Variants in RBFOX1 observed in about 807,000 individuals in gnomAD.
RBFOX1 encodes the protein RNA binding protein fox-1 homolog 1.
A neutral mutation model predicts 57.7 loss-of-function variants in RBFOX1; 8 were observed. That is an observed-to-expected ratio of 0.14 (90% CI 0.08 to 0.25). The LOEUF (loss-of-function observed/expected upper bound fraction) is 0.25. Ranked by LOEUF, RBFOX1 falls within the 10% of genes least tolerant of loss-of-function variation. The probability of loss-of-function intolerance (pLI) is 1.00; values close to 1 mark genes in which losing one functional copy is unlikely to be tolerated. For missense variants in RBFOX1, 611 were observed against 548.5 expected (o/e 1.11, Z -1.14); for synonymous variants, 326 against 222.4 (o/e 1.47, Z -4.15).
At chr16:7,440,052 G>C (rs544429349) in intron 4 of RBFOX1, among the ~76,000 whole-genome samples, 1 of 150,706 alleles carries the variant, frequency 6.6e-6, no homozygotes, top group African/African-American at 2.4e-5. Context: ...CCCGGGTTCA[G>C]GTGATCCTCC....
rs556348645 is a variant in RBFOX1, at chr16:6,381,749, C to A, written c.-64+64692C>A. On this transcript the variant is annotated intron_variant, in intron 2 of 15. Coordinates refer to ENST00000550418, the MANE Select transcript of RBFOX1 (RefSeq NM_018723.4). ...TGGGCCGATGTATGCCTGGGGCTAC[C>A]GCATCTGCTGCTGCTGGAACTGGGT... Among the ~76,000 whole-genome samples, 14 of 152,312 alleles carry A rather than the reference C, an allele frequency of 9.2e-5. No homozygotes were observed. The South Asian group carries it at 1.7e-3, about 18-fold the overall frequency.
chr16:6,112,208 C>G (rs2096454490), intron 1 of RBFOX1, among the ~76,000 whole-genome samples: 1 of 152,142 alleles, frequency 6.6e-6, no homozygotes, highest in Admixed American at 6.5e-5. Context: ...TTAAGAACTT[C>G]TGCTATAAGG....
chr16:5,938,274 G>C (rs1164634152), intron 4 of RBFOX1, among the ~76,000 whole-genome samples: 2 of 152,110 alleles, frequency 1.3e-5, no homozygotes, highest in Non-Finnish European at 2.9e-5. Context: ...ACTACTAACT[G>C]TCCCATGACC....
chr16:6,846,276 C>T (rs1454668735), intron 3 of RBFOX1, among the ~76,000 whole-genome samples: 1 of 152,132 alleles, frequency 6.6e-6, no homozygotes, highest in Non-Finnish European at 1.5e-5. Flanking sequence ...GCCCGAAGAT[C>T]CCCAATTCCG....
At chr16:6,675,432 C>T (rs1230630347) in intron 3 of RBFOX1, among the ~76,000 whole-genome samples, 1 of 151,998 alleles carries the variant, frequency 6.6e-6, no homozygotes, top group Non-Finnish European at 1.5e-5. Context: ...GCAAACTGGC[C>T]CAGAAGATTA....
intron 4 of RBFOX1, among the ~76,000 whole-genome samples, chr16:7,098,408 G>A (rs2151294013): frequency 6.6e-6 from 1 of 152,252 alleles, no homozygotes; most frequent in East Asian, 1.9e-4. Flanking sequence ...GACCTCAAGT[G>A]ATCCACCTGC....
intron 13 of RBFOX1, among the ~76,000 whole-genome samples, chr16:7,666,979 C>T (rs543876907): frequency 6.6e-6 from 1 of 152,272 alleles, no homozygotes; most frequent in East Asian, 1.9e-4. Context: ...TAAAACTGCC[C>T]TTTCTCTGAC....
intron 2 of RBFOX1, among the ~76,000 whole-genome samples, chr16:6,342,297 C>T (rs1437001876): frequency 1.8e-4 from 27 of 152,024 alleles, no homozygotes; most frequent in Admixed American, 1.8e-3. Context: ...CGAAGATGGA[C>T]ATGTGGAAAT....
intron 2 of RBFOX1, among the ~76,000 whole-genome samples, chr16:6,631,286 T>C (rs2098381790): frequency 6.6e-6 from 1 of 152,034 alleles, no homozygotes; most frequent in African/African-American, 2.4e-5. Flanking sequence ...GGGGTGAGTG[T>C]GTGTGTGTGT....
At chr16:6,808,897 C>T (rs1188206721) in intron 3 of RBFOX1, among the ~76,000 whole-genome samples, 1 of 152,108 alleles carries the variant, frequency 6.6e-6, no homozygotes, top group Non-Finnish European at 1.5e-5. Flanking sequence ...TCGGATAATC[C>T]CAAAGCAAGA....
intron 4 of RBFOX1, among the ~76,000 whole-genome samples, chr16:7,493,613 G>C (rs1408383040): frequency 6.6e-6 from 1 of 152,184 alleles, no homozygotes; most frequent in African/African-American, 2.4e-5. Flanking sequence ...TGTAATAACA[G>C]AATCAGAAAC....
chr16:5,314,693 G>T (rs924494861), intron 1 of RBFOX1, among the ~76,000 whole-genome samples: 1 of 151,958 alleles, frequency 6.6e-6, no homozygotes, highest in Non-Finnish European at 1.5e-5. Context: ...TAGAGACACG[G>T]TCTTGTTATG....
At chr16:6,400,855 A>C (rs986510978) in intron 2 of RBFOX1, among the ~76,000 whole-genome samples, 2 of 152,230 alleles carry the variant, frequency 1.3e-5, no homozygotes, top group East Asian at 3.8e-4. Flanking sequence ...AGATTGTGCC[A>C]CTGCATTCCA....
At chr16:6,759,473 CTGTGTGTGTGTGTGTGTGTG>C (rs71145287) in intron 3 of RBFOX1, among the ~76,000 whole-genome samples, 31 of 143,188 alleles carry the variant, frequency 2.2e-4, no homozygotes, top group African/African-American at 2.7e-4. Flanking sequence ...TGTCAGTTGT[CTGTGTGTGTGTGTGTGTGTG>C]TGTGTGTGTG....
chr16:7,580,125 C>G (rs1264428480), intron 6 of RBFOX1, among the ~76,000 whole-genome samples: 1 of 152,188 alleles, frequency 6.6e-6, no homozygotes, highest in Non-Finnish European at 1.5e-5. Flanking sequence ...CACCATGTAT[C>G]TACTTTACCA....
At chr16:6,150,957 A>AT (rs2096793394) in intron 1 of RBFOX1, among the ~76,000 whole-genome samples, 1 of 152,000 alleles carries the variant, frequency 6.6e-6, no homozygotes, top group African/African-American at 2.4e-5. Flanking sequence ...GCCTCTTGGT[A>AT]TTTTTTCTCC....
intron 3 of RBFOX1, among the ~76,000 whole-genome samples, chr16:6,844,071 C>T (rs551198973): frequency 1.3e-5 from 2 of 152,176 alleles, no homozygotes; most frequent in African/African-American, 4.8e-5. Context: ...CTCTCTCTCC[C>T]CACCCCCAAA....
intron 4 of RBFOX1, among the ~76,000 whole-genome samples, chr16:7,514,886 G>T (rs2076012224): frequency 6.6e-6 from 1 of 152,170 alleles, no homozygotes; most frequent in Non-Finnish European, 1.5e-5. Flanking sequence ...AAAGCCCCAG[G>T]GTTATATATG....
chr16:7,322,614 T>G (rs2096560273), intron 4 of RBFOX1, among the ~76,000 whole-genome samples: 1 of 152,170 alleles, frequency 6.6e-6, no homozygotes, highest in Non-Finnish European at 1.5e-5. Context: ...TTTGGGGAGT[T>G]ACATGCGCAG....
Sources: allele counts gnomAD v4.1 joint callset (sites outside exome capture counted in the v4.1 genomes callset), GRCh38; gene constraint gnomAD v4.1.1; transcripts MANE v1.5; gene names NCBI Gene and HGNC (gene_info 2026-07-23, HGNC 2026-07-21).